KIAA1671: variants seen among roughly 807,000 people sequenced by gnomAD.
The protein encoded by KIAA1671 is uncharacterized protein KIAA1671.
KIAA1671 carries 52 observed loss-of-function variants against 131.2 expected under a neutral mutation model. That is an observed-to-expected ratio of 0.40 (90% CI 0.32 to 0.50). KIAA1671 has a LOEUF of 0.50. KIAA1671 is among the 20% of genes least tolerant of loss of function. KIAA1671 has a pLI of 0.73. For missense variants in KIAA1671, 2,360 were observed against 2,364.2 expected (o/e 1.00, Z 0.04); for synonymous variants, 1,003 against 961.6 (o/e 1.04, Z -0.80).
chr22:25,164,976 G>A (rs1320538328), intron 6 of KIAA1671, among the ~76,000 whole-genome samples: 1 of 87,424 alleles, frequency 1.1e-5, no homozygotes, highest in Non-Finnish European at 2.4e-5. Context: ...GAGAGTTGCA[G>A]GCGTGTGTGT....
intron 1 of KIAA1671, among the ~76,000 whole-genome samples, chr22:24,966,905 G>A (rs979078566): frequency 3.3e-5 from 5 of 152,204 alleles, no homozygotes; most frequent in African/African-American, 1.2e-4. Context: ...GCAGTGAGCT[G>A]TGATTGTGCC....
intron 1 of KIAA1671, among the ~76,000 whole-genome samples, chr22:24,964,410 A>G (rs1308826772): frequency 1.3e-5 from 2 of 151,508 alleles, no homozygotes; most frequent in Non-Finnish European, 2.9e-5. Context: ...TGTGCTCATC[A>G]TTTTCCTATG....
intron 1 of KIAA1671, among the ~76,000 whole-genome samples, chr22:24,977,631 G>A (rs2123823913): frequency 6.6e-6 from 1 of 152,362 alleles, no homozygotes; most frequent in African/African-American, 2.4e-5. Flanking sequence ...CCAGGATCTT[G>A]GACTGGCTTC....
intron 4 of KIAA1671, among the ~76,000 whole-genome samples, chr22:25,037,724 T>TATATA (rs1216961161): frequency 2.0e-5 from 3 of 151,616 alleles, no homozygotes; most frequent in Admixed American, 1.3e-4. Flanking sequence ...TATTTATATT[T>TATATA]ATATATATGC....
intron 1 of KIAA1671, among the ~76,000 whole-genome samples, chr22:25,007,769 T>C (rs570617308): frequency 6.6e-6 from 1 of 152,240 alleles, no homozygotes; most frequent in East Asian, 1.9e-4. Context: ...TTGACTTGCA[T>C]GTAATTAAAA....
At chr22:25,116,460 C>T (rs1011165563) in intron 6 of KIAA1671, among the ~76,000 whole-genome samples, 7 of 151,604 alleles carry the variant, frequency 4.6e-5, no homozygotes, top group African/African-American at 1.7e-4. Flanking sequence ...CTTGCTCTGT[C>T]CCCTAGGCTG....
chr22:25,100,044 C>G (rs892756037), intron 6 of KIAA1671, among the ~76,000 whole-genome samples: 1 of 152,206 alleles, frequency 6.6e-6, no homozygotes, highest in African/African-American at 2.4e-5. Context: ...GGTGGCCTTG[C>G]AGAGGAAGGT....
intron 4 of KIAA1671, among the ~76,000 whole-genome samples, chr22:25,033,846 C>G (rs1038509050): frequency 6.6e-6 from 1 of 151,910 alleles, no homozygotes; most frequent in Admixed American, 6.6e-5. Context: ...TCCCAAAGTG[C>G]TGAGATTACA....
intron 3 of KIAA1671, among the ~76,000 whole-genome samples, chr22:25,030,905 A>G (rs2145791285): frequency 6.6e-6 from 1 of 152,386 alleles, no homozygotes; most frequent in African/African-American, 2.4e-5. Flanking sequence ...CAGCCAAGCC[A>G]AAGCTAGACC....
chr22:25,072,269 C>T (rs143856280), intron 6 of KIAA1671, among the ~76,000 whole-genome samples: 1 of 152,292 alleles, frequency 6.6e-6, no homozygotes, highest in African/African-American at 2.4e-5. Flanking sequence ...CACAGCTCCT[C>T]ACCTGGCTGT....
At chr22:25,152,109 T>G (rs1933064669) in intron 6 of KIAA1671, among the ~76,000 whole-genome samples, 2 of 152,356 alleles carry the variant, frequency 1.3e-5, no homozygotes, top group South Asian at 4.1e-4. Context: ...CTGCGCTATA[T>G]TCTATTTTTC....
intron 1 of KIAA1671, among the ~76,000 whole-genome samples, chr22:24,995,741 C>T (rs1485838767): frequency 2.0e-5 from 3 of 152,212 alleles, no homozygotes; most frequent in Admixed American, 2.0e-4. Context: ...TTATGCTAAG[C>T]ACTTCATGTA....
chr22:25,109,580 A>G (rs1449568056), intron 6 of KIAA1671, among the ~76,000 whole-genome samples: 1 of 152,148 alleles, frequency 6.6e-6, no homozygotes, highest in African/African-American at 2.4e-5. Flanking sequence ...ATCAGCCATA[A>G]CCTTGGTACA....
chr22:25,067,877 CT>C (rs1182859405), intron 6 of KIAA1671, among the ~76,000 whole-genome samples: 4 of 152,254 alleles, frequency 2.6e-5, no homozygotes, highest in Non-Finnish European at 5.9e-5. Context: ...GCATGCCCCA[CT>C]TCTATTAATC....
rs1467089147 is a variant in KIAA1671 at position 25,117,265 on chromosome 22, T to C, written c.4531-53555T>C. On this transcript the variant is annotated intron_variant, in intron 6 of 12. Transcript: ENST00000358431. ...GAGAAGGGCAGGGATCCCACATCCA[T>C]GAGCCTCTCCTGCTTGCCAGGAACC... is the stretch of plus-strand genomic sequence containing the variant. 2.0e-5 allele frequency among the ~76,000 whole-genome samples: 3 copies of C among 152,218 alleles called. No individual in the cohort carries two copies. The East Asian group carries it at 5.8e-4, about 29-fold the overall frequency.
At chr22:24,968,498 G>A (rs1325678250) in intron 1 of KIAA1671, among the ~76,000 whole-genome samples, 2 of 152,164 alleles carry the variant, frequency 1.3e-5, no homozygotes, top group African/African-American at 4.8e-5. Context: ...CCCCAGCCAT[G>A]GGAATGGTTT....
At chr22:25,157,511 A>G (rs1933283581) in intron 6 of KIAA1671, among the ~76,000 whole-genome samples, 1 of 152,144 alleles carries the variant, frequency 6.6e-6, no homozygotes, top group South Asian at 2.1e-4. Context: ...ATTGTTCTAT[A>G]CTTTAGGTTA....
At chr22:25,120,806 T>C (rs1318806118) in intron 6 of KIAA1671, among the ~76,000 whole-genome samples, 1 of 152,258 alleles carries the variant, frequency 6.6e-6, no homozygotes, top group African/African-American at 2.4e-5. Flanking sequence ...ATGACACTTT[T>C]AATGCCCTTG....
chr22:25,096,181 G>A (rs561469759), intron 6 of KIAA1671, among the ~76,000 whole-genome samples: 4 of 152,194 alleles, frequency 2.6e-5, no homozygotes, highest in African/African-American at 4.8e-5. Flanking sequence ...GGTACACGGC[G>A]AACCTGACAC....
Sources: allele counts gnomAD v4.1 joint callset (sites outside exome capture counted in the v4.1 genomes callset), GRCh38; gene constraint gnomAD v4.1.1; transcripts MANE v1.5; gene names NCBI Gene and HGNC (gene_info 2026-07-23, HGNC 2026-07-21).